BRINP2: variants seen among roughly 807,000 people sequenced by gnomAD.
BRINP2 encodes the protein BMP/retinoic acid-inducible neural-specific protein 2.
In BRINP2, 21 loss-of-function variants were observed where a neutral mutation model predicts 69.2. That is an observed-to-expected ratio of 0.30 (90% confidence interval 0.22 to 0.44). The LOEUF (loss-of-function observed/expected upper bound fraction) is 0.44. BRINP2 is among the 20% of genes least tolerant of loss of function. The pLI is 1.00. For synonymous variants in BRINP2, 380 were observed against 394.1 expected, an observed-to-expected ratio of 0.96 and a Z score of 0.42; for missense variants, 877 against 986.0, an observed-to-expected ratio of 0.89 and a Z score of 1.48.
chr1:177,214,675 T>G (rs548648169), intron 1 of BRINP2, among the ~76,000 whole-genome samples: 39 of 152,260 alleles, frequency 2.6e-4, no homozygotes, highest in Admixed American at 2.4e-3. Flanking sequence ...GCAACAAACT[T>G]TGGTTGAAGG....
intron 1 of BRINP2, among the ~76,000 whole-genome samples, chr1:177,187,837 T>A (rs373847852): frequency 6.6e-6 from 1 of 152,166 alleles, no homozygotes; most frequent in African/African-American, 2.4e-5. Flanking sequence ...CCATATGATT[T>A]TTTTCTATTT....
At chr1:177,189,996 A>G (rs1428787146) in intron 1 of BRINP2, among the ~76,000 whole-genome samples, 2 of 152,198 alleles carry the variant, frequency 1.3e-5, no homozygotes, top group African/African-American at 4.8e-5. Flanking sequence ...TGTAAGTTTC[A>G]ACTGAACGGA....
intron 5 of BRINP2, among the ~76,000 whole-genome samples, chr1:177,275,381 A>G (rs1313607220): frequency 1.3e-5 from 2 of 152,190 alleles, no homozygotes; most frequent in Admixed American, 6.5e-5. Context: ...ATCTCAGGGC[A>G]TTGACCACCA....
intron 1 of BRINP2, among the ~76,000 whole-genome samples, chr1:177,187,508 C>T (rs1025527518): frequency 6.6e-6 from 1 of 152,214 alleles, no homozygotes; most frequent in African/African-American, 2.4e-5. Flanking sequence ...AGACCTCACA[C>T]ATCCTGTGCA....
At chr1:177,263,146 G>A (rs908524681) in intron 4 of BRINP2, among the ~76,000 whole-genome samples, 3 of 152,192 alleles carry the variant, frequency 2.0e-5, no homozygotes, top group East Asian at 1.9e-4. Flanking sequence ...AAAGTGAAAA[G>A]TTGGTCAGGT....
At chr1:177,196,258 G>T (rs760970691) in intron 1 of BRINP2, among the ~76,000 whole-genome samples, 1 of 152,168 alleles carries the variant, frequency 6.6e-6, no homozygotes, top group Non-Finnish European at 1.5e-5. Flanking sequence ...GCTTACCAGT[G>T]CTCAGGCCCT....
chr1:177,199,070 G>T (rs1216693982), intron 1 of BRINP2, among the ~76,000 whole-genome samples: 1 of 152,188 alleles, frequency 6.6e-6, no homozygotes, highest in East Asian at 1.9e-4. Flanking sequence ...CACCCTTCAA[G>T]ATTTTCATTC....
At chr1:177,251,812 A>G (rs1017815466) in intron 2 of BRINP2, among the ~76,000 whole-genome samples, 5 of 152,176 alleles carry the variant, frequency 3.3e-5, no homozygotes, top group African/African-American at 7.2e-5. Context: ...GCCCACCTCT[A>G]TGCTAAGTTG....
At chr1:177,279,148 T>C (rs1432810266) in intron 7 of BRINP2, among the ~76,000 whole-genome samples, 1 of 152,184 alleles carries the variant, frequency 6.6e-6, no homozygotes, top group East Asian at 1.9e-4. Context: ...CTGGCTTGTG[T>C]CAAACAAATG....
chr1:177,273,907 C>G (rs776411166), intron 5 of BRINP2, among the ~76,000 whole-genome samples: 48 of 97,188 alleles, frequency 4.9e-4, no homozygotes, highest in Admixed American at 1.4e-3. Context: ...TTATAAGAAG[C>G]CTTTACCTAG....
chr1:177,251,813 T>A (rs550524988), intron 2 of BRINP2, among the ~76,000 whole-genome samples: 10 of 152,314 alleles, frequency 6.6e-5, no homozygotes, highest in African/African-American at 2.4e-4. Context: ...CCCACCTCTA[T>A]GCTAAGTTGG....
At chr1:177,266,938 A>T (rs924287373) in intron 4 of BRINP2, among the ~76,000 whole-genome samples, 1 of 152,140 alleles carries the variant, frequency 6.6e-6, no homozygotes, top group Admixed American at 6.5e-5. Flanking sequence ...CTTCCACGTG[A>T]GACTATGAGG....
At chr1:177,175,037 A>C (rs578000758) in intron 1 of BRINP2, among the ~76,000 whole-genome samples, 1 of 152,348 alleles carries the variant, frequency 6.6e-6, no homozygotes, top group East Asian at 1.9e-4. Context: ...CATATTTTAC[A>C]ATCAGAATCT....
intron 1 of BRINP2, among the ~76,000 whole-genome samples, chr1:177,215,630 AG>A (rs1323086531): frequency 6.6e-6 from 1 of 152,182 alleles, no homozygotes; most frequent in Non-Finnish European, 1.5e-5. Flanking sequence ...TCATATCATT[AG>A]CAAACAGTGA....
Position 177,175,829 on chromosome 1 carries a change from G to A in BRINP2, c.-77+4097G>A, listed in dbSNP as rs116609449. ...TCCTGTCTTAAATGACTGTGCAGCT[G>A]GACTGTGAGCATGACTCCTTTTCTC... On this transcript the variant is annotated intron_variant, in intron 1 of 7. Transcript: ENST00000361539. 4.4e-3 allele frequency among the ~76,000 whole-genome samples: 670 copies of A among 152,304 alleles called. 9 individuals are homozygous for A. Among genetic ancestry groups the A allele is most frequent in the African/African-American group, 0.015 (644 of 41,568 alleles).
At chr1:177,217,250 A>G (rs1439466962) in intron 1 of BRINP2, among the ~76,000 whole-genome samples, 1 of 151,396 alleles carries the variant, frequency 6.6e-6, no homozygotes, top group East Asian at 1.9e-4. Flanking sequence ...TTCTGTCTTC[A>G]TGTTTACTGA....
intron 2 of BRINP2, among the ~76,000 whole-genome samples, chr1:177,241,263 G>A (rs368362444): frequency 2.0e-5 from 3 of 152,148 alleles, no homozygotes; most frequent in East Asian, 1.9e-4. Context: ...GAGCCATTGC[G>A]CCCGGACCAC....
intron 7 of BRINP2, among the ~76,000 whole-genome samples, chr1:177,279,811 T>C (rs1487379630): frequency 6.6e-6 from 1 of 152,236 alleles, no homozygotes; most frequent in Non-Finnish European, 1.5e-5. Flanking sequence ...TAATTTCAGC[T>C]ACTGATAATT....
chr1:177,186,840 G>A (rs1054570222), intron 1 of BRINP2, among the ~76,000 whole-genome samples: 1 of 152,134 alleles, frequency 6.6e-6, no homozygotes, highest in Admixed American at 6.5e-5. Flanking sequence ...CACTAAGCAG[G>A]CATTTCTCAA....
Sources: gnomAD v4.1 joint callset for allele counts (sites outside exome capture counted in the v4.1 genomes callset) on GRCh38, gnomAD v4.1.1 for gene constraint, MANE v1.5 for transcripts, NCBI Gene and HGNC (gene_info 2026-07-23, HGNC 2026-07-21) for gene names.